Variants in RANBP17 observed in about 807,000 individuals in gnomAD.
RANBP17 encodes ran-binding protein 17.
A neutral mutation model predicts 141.2 loss-of-function variants in RANBP17; 158 were observed. The ratio of observed to expected loss-of-function variants is 1.12; its 90% confidence interval spans 0.98 to 1.28. RANBP17 has a LOEUF of 1.28. Ranked by LOEUF, RANBP17 falls within the 50% of genes most tolerant of loss-of-function variation. RANBP17 has a pLI of 0.00. For missense variants in RANBP17, 1,438 were observed against 1,290.7 expected, an observed-to-expected ratio of 1.11 and a Z score of -1.75; for synonymous variants, 430 against 450.0, an observed-to-expected ratio of 0.96 and a Z score of 0.56.
rs75232612 is a variant in RANBP17, at chr5:171,269,738, A to G, written c.2943+3891A>G. 8.3e-4 allele frequency among the ~76,000 whole-genome samples: 126 copies of G among 152,330 alleles called. 3 individuals carry two copies. The East Asian group carries it at 0.023, about 28-fold the overall frequency. On this transcript the variant is annotated intron_variant, in intron 25 of 27. Transcript: ENST00000523189. ...GCTGTTTTTAATAGATGATTTGCCT[A>G]TTGCAGAAGGTAATGAACAAGGTTG...
chr5:170,900,929 A>G (rs769298000), intron 5 of RANBP17, among the ~76,000 whole-genome samples: 6 of 152,180 alleles, frequency 3.9e-5, no homozygotes, highest in Non-Finnish European at 8.8e-5. Context: ...TTTACTTCCA[A>G]TTATGTGTCA....
At chr5:171,119,282 G>A (rs981233380) in intron 14 of RANBP17, among the ~76,000 whole-genome samples, 5 of 152,150 alleles carry the variant, frequency 3.3e-5, no homozygotes, top group African/African-American at 7.2e-5. Context: ...CAGTTTGCTA[G>A]CATTTGTTGG....
At chr5:171,252,879 T>C (rs1765662155) in intron 24 of RANBP17, 15 of 1,394,222 alleles carry the variant, frequency 1.1e-5, no homozygotes, top group Admixed American at 1.7e-5. Context: ...ATGACGACAT[T>C]GTAGAAAAAA....
rs759507453 is a variant in RANBP17 at position 171,298,723 on chromosome 5, C to T, written c.3171-39C>T. 14 of 1,523,854 alleles carry T rather than the reference C, an allele frequency of 9.2e-6. No individual in the cohort carries two copies. The Admixed American group carries it at 2.4e-4, about 26-fold the overall frequency. The allele number at this position is 1,523,854 out of a possible 1,614,324, so 94.4% of individuals were successfully genotyped here. A position where few individuals can be genotyped will look rare whatever the true frequency, so the allele number is the denominator to read the frequency against. On this transcript the variant is annotated intron_variant, in intron 27 of 27. Transcript: ENST00000523189. ...GTCCAGAAATTCATGGAGGCTTTGC[C>T]TCATTACTACCCTTGACCCTTTCTT...
At chr5:171,293,789 GATGGAGGGGTGGAATCTGAGCA>G in intron 25 of RANBP17, 72 bp from the exon 26 acceptor site, 1 of 892,364 alleles carries the variant, frequency 1.1e-6, no homozygotes, top group Non-Finnish European at 1.9e-6. Context: ...CTGTTAGCAA[GATGGAGGGGTGGAATCTGAGCA>G]CATGAAAGGC....
chr5:171,145,702 T>C (rs1474341866), intron 14 of RANBP17, among the ~76,000 whole-genome samples: 1 of 152,170 alleles, frequency 6.6e-6, no homozygotes, highest in Non-Finnish European at 1.5e-5. Flanking sequence ...AGTAATGAAA[T>C]TGTTAATTGA....
chr5:171,287,608 C>A (rs1411886382), intron 25 of RANBP17, among the ~76,000 whole-genome samples: 3 of 151,876 alleles, frequency 2.0e-5, no homozygotes, highest in Non-Finnish European at 4.4e-5. Flanking sequence ...CCAGTCCCCA[C>A]CCCCTATCCA....
At chr5:171,012,356 A>AGGG (rs1561986598) in intron 14 of RANBP17, among the ~76,000 whole-genome samples, 3 of 152,000 alleles carry the variant, frequency 2.0e-5, no homozygotes, top group Non-Finnish European at 1.5e-5. Flanking sequence ...AAGGAAATGA[A>AGGG]CTGATATTTA....
rs370825614 is a variant in RANBP17 at position 171,199,948 on chromosome 5, T to C, written c.2142+175T>C. On this transcript the variant is annotated intron_variant, in intron 19 of 27. Coordinates refer to ENST00000523189, the MANE Select transcript of RANBP17 (RefSeq NM_022897.5). The stretch of plus-strand genomic sequence containing the variant: ...GCATTTTTCTAGTTTCTTAGACAAA[T>C]GGACTTTGAGGTCAGCAAATAGTTT... Among the ~76,000 whole-genome samples, 8 of 152,330 alleles carry C rather than the reference T, an allele frequency of 5.3e-5. No individual in the cohort carries two copies. The East Asian group carries it at 1.3e-3, about 26-fold the overall frequency.
chr5:171,170,822 A>G (rs1760047687), intron 15 of RANBP17, among the ~76,000 whole-genome samples: 2 of 152,094 alleles, frequency 1.3e-5, no homozygotes, highest in South Asian at 4.1e-4. Flanking sequence ...ATAAGAAGTG[A>G]GTTTTGGAGC....
intron 14 of RANBP17, among the ~76,000 whole-genome samples, chr5:171,165,114 T>A (rs976426426): frequency 1.3e-5 from 2 of 152,234 alleles, no homozygotes; most frequent in African/African-American, 4.8e-5. Flanking sequence ...TGAGTAACTA[T>A]TAAATGTCAA....
At chr5:171,244,094 A>C (rs1765058362) in intron 24 of RANBP17, among the ~76,000 whole-genome samples, 1 of 151,734 alleles carries the variant, frequency 6.6e-6, no homozygotes, top group Non-Finnish European at 1.5e-5. Flanking sequence ...TCTCAAAAAA[A>C]ATATTAAAAG....
intron 1 of RANBP17, among the ~76,000 whole-genome samples, chr5:170,868,215 C>T (rs1290018136): frequency 6.6e-6 from 1 of 152,046 alleles, no homozygotes; most frequent in Non-Finnish European, 1.5e-5. Flanking sequence ...TCATTGTCTC[C>T]TAGGGTATGA....
chr5:171,018,007 G>A (rs1749872842), intron 14 of RANBP17, among the ~76,000 whole-genome samples: 1 of 152,112 alleles, frequency 6.6e-6, no homozygotes, highest in African/African-American at 2.4e-5. Flanking sequence ...TTATTGAATA[G>A]GAGATCCTTT....
intron 25 of RANBP17, among the ~76,000 whole-genome samples, chr5:171,291,799 C>T (rs556126706): frequency 6.6e-6 from 1 of 152,018 alleles, no homozygotes; most frequent in South Asian, 2.1e-4. Flanking sequence ...CACTAATTTT[C>T]GTATTTCCAA....
intron 12 of RANBP17, among the ~76,000 whole-genome samples, chr5:170,931,168 T>G (rs1353469602): frequency 6.6e-6 from 1 of 152,274 alleles, no homozygotes; most frequent in Non-Finnish European, 1.5e-5. Context: ...CCAGTGATGA[T>G]GAGCATTTTT....
At chr5:170,877,608 A>T (rs929806587) in intron 1 of RANBP17, among the ~76,000 whole-genome samples, 7 of 152,144 alleles carry the variant, frequency 4.6e-5, no homozygotes, top group Non-Finnish European at 8.8e-5. Context: ...GTTATCTGCA[A>T]CTTGTGCATG....
At chr5:171,152,151 G>A (rs779006159) in intron 14 of RANBP17, among the ~76,000 whole-genome samples, 1 of 151,794 alleles carries the variant, frequency 6.6e-6, no homozygotes, top group African/African-American at 2.4e-5. Flanking sequence ...GCTCACTCAC[G>A]CCTGTAATCC....
intron 14 of RANBP17, among the ~76,000 whole-genome samples, chr5:171,057,036 C>G (rs1402637341): frequency 6.6e-6 from 1 of 152,084 alleles, no homozygotes; most frequent in Non-Finnish European, 1.5e-5. Context: ...TTAACAAAAC[C>G]CTATAGACAA....
Sources: gnomAD v4.1 joint callset for allele counts (sites outside exome capture counted in the v4.1 genomes callset) on GRCh38, gnomAD v4.1.1 for gene constraint, MANE v1.5 for transcripts, NCBI Gene and HGNC (gene_info 2026-07-23, HGNC 2026-07-21) for gene names.